Variants in PKIG observed in about 807,000 individuals in gnomAD.
PKIG encodes protein kinase (cAMP-dependent, catalytic) inhibitor gamma.
A neutral mutation model predicts 6.8 loss-of-function variants in PKIG; 1 was observed. The ratio of observed to expected loss-of-function variants is 0.15; its 90% CI spans 0.05 to 0.69. The LOEUF (loss-of-function observed/expected upper bound fraction) is 0.69. Ranked by LOEUF, PKIG falls within the 30% of genes least tolerant of loss-of-function variation. The pLI, the probability that PKIG is intolerant of heterozygous loss-of-function variation, is 0.82. For missense variants in PKIG, 77 were observed against 104.0 expected, an observed-to-expected ratio of 0.74 and a Z score of 1.13; for synonymous variants, 39 against 43.0, an observed-to-expected ratio of 0.91 and a Z score of 0.36.
intron 2 of PKIG, among the ~76,000 whole-genome samples, chr20:44,591,704 A>G (rs759245536): frequency 1.6e-4 from 24 of 152,316 alleles, no homozygotes; most frequent in Admixed American, 3.9e-4. Context: ...TTCCTTATCT[A>G]TTAAATGAAG....
At chr20:44,564,156 A>G (rs2064791055) in intron 1 of PKIG, 1 of 152,158 alleles carries the variant, frequency 6.6e-6, no homozygotes, top group Non-Finnish European at 1.5e-5. Flanking sequence ...GTGAGGTAAA[A>G]GACTACTTAT....
At chr20:44,603,845 C>A (rs2065142494) in intron 2 of PKIG, among the ~76,000 whole-genome samples, 1 of 152,152 alleles carries the variant, frequency 6.6e-6, no homozygotes, top group Non-Finnish European at 1.5e-5. Context: ...AGACTGTAGA[C>A]CCATGTGTTA....
chr20:44,575,122 G>C (rs6130642), intron 1 of PKIG, among the ~76,000 whole-genome samples: 1 of 152,056 alleles, frequency 6.6e-6, no homozygotes, highest in African/African-American at 2.4e-5. Flanking sequence ...CACCATCTCA[G>C]CTCACTGCAA....
At chr20:44,610,498 T>TCACACACACACACACACACACACACACA (rs1379954369) in intron 2 of PKIG, among the ~76,000 whole-genome samples, 1 of 119,566 alleles carries the variant, frequency 8.4e-6, no homozygotes, top group Non-Finnish European at 1.8e-5. Context: ...TCTCTCTCTC[T>TCACACACACACACACACACACACACACA]CTCACACACA....
upstream of PKIG, among the ~76,000 whole-genome samples, chr20:44,581,167 T>C (rs776155550): frequency 5.3e-5 from 8 of 152,222 alleles, no homozygotes; most frequent in Non-Finnish European, 1.2e-4. Flanking sequence ...ACCTTGGGCA[T>C]GTCACCTAAC....
intron 1 of PKIG, among the ~76,000 whole-genome samples, chr20:44,546,472 G>C (rs2064614786): frequency 6.6e-6 from 1 of 151,952 alleles, no homozygotes; most frequent in African/African-American, 2.4e-5. Context: ...AATATCACCA[G>C]GCCTTATTGT....
At chr20:44,566,682 C>G (rs988965743) in intron 1 of PKIG, among the ~76,000 whole-genome samples, 1 of 152,062 alleles carries the variant, frequency 6.6e-6, no homozygotes, top group African/African-American at 2.4e-5. Context: ...CCCGTCTCTA[C>G]TAAAAATACA....
Position 44,538,696 on chromosome 20 carries a change from T to A in PKIG, c.-241+6718T>A, listed in dbSNP as rs138425454. 2.8e-3 allele frequency among the ~76,000 whole-genome samples: 422 copies of A among 152,312 alleles called. 6 individuals are homozygous for A. The highest frequency in any genetic ancestry group is 9.6e-3 in the African/African-American group (400 of 41,564). ...CCCCCCTGTAGTCACAGTTTCATTA[T>A]TACACCTAAGGAAATAAACAGTAGT... On this transcript the variant is annotated intron_variant, in intron 1 of 4. Transcript: ENST00000372887.
At chr20:44,571,213 TAGAG>T (rs985899569) in intron 1 of PKIG, among the ~76,000 whole-genome samples, 5 of 144,852 alleles carry the variant, frequency 3.5e-5, no homozygotes, top group Non-Finnish European at 7.6e-5. Flanking sequence ...GCCTATGCGA[TAGAG>T]AGACTCAAAT....
intron 1 of PKIG, among the ~76,000 whole-genome samples, chr20:44,587,300 G>A (rs573149463): frequency 6.6e-5 from 10 of 152,308 alleles, no homozygotes; most frequent in South Asian, 4.1e-4. Flanking sequence ...CTGATCTTGC[G>A]CTGGGTTGAT....
chr20:44,604,381 A>G (rs2065146578), intron 2 of PKIG, among the ~76,000 whole-genome samples: 1 of 152,230 alleles, frequency 6.6e-6, no homozygotes, highest in Admixed American at 6.5e-5. Context: ...GGATTCATCT[A>G]GATGTCTGCA....
intron 2 of PKIG, among the ~76,000 whole-genome samples, chr20:44,608,771 G>T (rs543214703): frequency 6.7e-6 from 1 of 149,612 alleles, no homozygotes; most frequent in East Asian, 2.0e-4. Context: ...CTGCACTCCA[G>T]CCTGTGTGAC....
At chr20:44,590,948 GA>G (rs896791199) in intron 2 of PKIG, among the ~76,000 whole-genome samples, 8 of 152,200 alleles carry the variant, frequency 5.3e-5, no homozygotes, top group African/African-American at 1.9e-4. Flanking sequence ...CCTCAGCCAG[GA>G]AAAGTTTTTT....
chr20:44,600,899 G>T (rs2065116405), intron 2 of PKIG, among the ~76,000 whole-genome samples: 1 of 152,004 alleles, frequency 6.6e-6, no homozygotes, highest in Non-Finnish European at 1.5e-5. Context: ...CGCTCAATAG[G>T]CTGAGTCAGA....
intron 2 of PKIG, among the ~76,000 whole-genome samples, chr20:44,612,003 T>C (rs898376189): frequency 1.3e-5 from 2 of 152,246 alleles, no homozygotes; most frequent in Non-Finnish European, 2.9e-5. Context: ...ATACATTTTC[T>C]GTATCCATTC....
upstream of PKIG, among the ~76,000 whole-genome samples, chr20:44,582,328 T>C (rs1413713875): frequency 2.0e-5 from 3 of 152,106 alleles, no homozygotes; most frequent in Non-Finnish European, 2.9e-5. Flanking sequence ...ATAGGAAGCC[T>C]TTTGTCACTA....
intron 1 of PKIG, among the ~76,000 whole-genome samples, chr20:44,539,316 T>TG (rs1223585758): frequency 6.6e-6 from 1 of 152,138 alleles, no homozygotes; most frequent in Non-Finnish European, 1.5e-5. Flanking sequence ...TAGACCTGAT[T>TG]GATGATCTCT....
chr20:44,537,523 C>T (rs1370464144), intron 1 of PKIG, among the ~76,000 whole-genome samples: 3 of 151,384 alleles, frequency 2.0e-5, no homozygotes, highest in East Asian at 1.9e-4. Context: ...CGTGAGCCAC[C>T]GTGCCCTGCC....
At chr20:44,606,267 C>T (rs1023756287) in intron 2 of PKIG, among the ~76,000 whole-genome samples, 4 of 152,124 alleles carry the variant, frequency 2.6e-5, no homozygotes, top group Non-Finnish European at 5.9e-5. Context: ...CAGGTTCACT[C>T]CTAGGAGCAG....
Sources: gnomAD v4.1 joint callset for allele counts (sites outside exome capture counted in the v4.1 genomes callset) on GRCh38, gnomAD v4.1.1 for gene constraint, MANE v1.5 for transcripts, NCBI Gene and HGNC (gene_info 2026-07-23, HGNC 2026-07-21) for gene names.